The following DENND1B variants were observed in gnomAD, a reference collection of about 807,000 sequenced individuals.
DENND1B encodes the protein DENN domain containing 1B.
In DENND1B, 59 loss-of-function variants were observed where a neutral mutation model predicts 90.1. The ratio of observed to expected loss-of-function variants is 0.65; its 90% CI spans 0.53 to 0.81. The LOEUF (loss-of-function observed/expected upper bound fraction) is 0.81, where lower values mean the gene tolerates loss of function less well. Ranked by LOEUF, DENND1B falls within the 40% of genes least tolerant of loss-of-function variation. DENND1B has a pLI of 0.00. For missense variants in DENND1B, 862 were observed against 912.6 expected, an observed-to-expected ratio of 0.94 and a Z score of 0.71; for synonymous variants, 337 against 324.6, an observed-to-expected ratio of 1.04 and a Z score of -0.41.
At chr1:197,768,824 C>A (rs1380258816) in intron 2 of DENND1B, among the ~76,000 whole-genome samples, 1 of 150,888 alleles carries the variant, frequency 6.6e-6, no homozygotes. Context: ...ATGAAACTAA[C>A]AAGCTATTTT....
At chr1:197,632,976 A>C (rs1222753311) in intron 10 of DENND1B, among the ~76,000 whole-genome samples, 1 of 152,212 alleles carries the variant, frequency 6.6e-6, no homozygotes, top group Non-Finnish European at 1.5e-5. Context: ...AGTAAAAGTT[A>C]ATGAAAAACT....
At chr1:197,628,575 A>G (rs970325469) in intron 10 of DENND1B, among the ~76,000 whole-genome samples, 2 of 152,204 alleles carry the variant, frequency 1.3e-5, no homozygotes, top group Non-Finnish European at 2.9e-5. Context: ...TAAAAACCCT[A>G]GAAGAAAACC....
intron 14 of DENND1B, among the ~76,000 whole-genome samples, chr1:197,590,226 A>C (rs1675073559): frequency 6.6e-6 from 1 of 152,176 alleles, no homozygotes. Context: ...ATGGCAATCC[A>C]AGAAGCATCA....
chr1:197,511,787 C>T lies in DENND1B; in HGVS notation c.1756G>A (p.Ala586Thr), dbSNP rs770958138. 1 of 1,610,862 alleles carries T rather than the reference C, an allele frequency of 6.2e-7. No individual in the cohort carries two copies. The highest frequency in any genetic ancestry group is 8.5e-7 in the Non-Finnish European group (1 of 1,177,998). Residue 586 changes from alanine (A) to threonine (T), a missense_variant, in exon 22 of 23, where the codon GCA becomes ACA. Ala to Thr is a moderately conservative substitution (Grantham distance 58). Transcript: ENST00000620048. ...STHSSDQGKL[A>T]AAKSLDFFRS... is the part of the protein sequence containing the mutation. The stretch of plus-strand genomic sequence containing the variant: ...AAGAAATCCAAGCTCTTTGCAGCTG[C>T]CAGCTTCCCCTGATCTGAGCTGTGT...
intron 10 of DENND1B, among the ~76,000 whole-genome samples, chr1:197,638,644 T>A (rs1331920698): frequency 1.3e-5 from 2 of 152,178 alleles, no homozygotes; most frequent in African/African-American, 4.8e-5. Context: ...AAAACAGCAA[T>A]AAGTCAACTG....
intron 2 of DENND1B, among the ~76,000 whole-genome samples, chr1:197,742,836 G>A (rs1020275391): frequency 9.2e-5 from 14 of 152,166 alleles, no homozygotes; most frequent in African/African-American, 2.9e-4. Flanking sequence ...CCAAACACTA[G>A]GTTGCATATG....
At chr1:197,780,205 C>T (rs1198713582), upstream of DENND1B, among the ~76,000 whole-genome samples, 2 of 152,078 alleles carry the variant, frequency 1.3e-5, no homozygotes, top group African/African-American at 4.8e-5. Context: ...TGAAGAGTAT[C>T]CTGTTGGATT....
At chr1:197,716,410 A>G (rs1660651687) in intron 2 of DENND1B, among the ~76,000 whole-genome samples, 1 of 151,620 alleles carries the variant, frequency 6.6e-6, no homozygotes, top group African/African-American at 2.4e-5. Context: ...GTAATATTAA[A>G]TGATTATATC....
At chr1:197,736,700 T>C (rs927250367) in intron 2 of DENND1B, among the ~76,000 whole-genome samples, 5 of 152,162 alleles carry the variant, frequency 3.3e-5, no homozygotes, top group Admixed American at 3.3e-4. Flanking sequence ...CCTGAGATAA[T>C]CTGTGATAAA....
chr1:197,604,590 A>T (rs1452224601), intron 13 of DENND1B, among the ~76,000 whole-genome samples: 1 of 151,258 alleles, frequency 6.6e-6, no homozygotes, highest in Non-Finnish European at 1.5e-5. Context: ...TAGAAAGTCA[A>T]CCAGCCTGTA....
intron 12 of DENND1B, among the ~76,000 whole-genome samples, chr1:197,608,627 TGACA>T (rs1441944162): frequency 1.3e-5 from 2 of 150,598 alleles, no homozygotes; most frequent in Non-Finnish European, 1.5e-5. Context: ...TGTCATTTTA[TGACA>T]GAAACTATAA....
chr1:197,654,767 G>C (rs552992467), intron 6 of DENND1B, among the ~76,000 whole-genome samples: 224 of 151,686 alleles, frequency 1.5e-3, no homozygotes, highest in Non-Finnish European at 2.6e-3. Flanking sequence ...CTTTACTTGC[G>C]ACCACCACCA....
intron 2 of DENND1B, among the ~76,000 whole-genome samples, chr1:197,726,502 G>A (rs1285479425): frequency 6.6e-6 from 1 of 152,180 alleles, no homozygotes; most frequent in Non-Finnish European, 1.5e-5. Context: ...AGATGAGGGT[G>A]AATATCACTG....
chr1:197,762,128 CA>C (rs1655131644), intron 2 of DENND1B, among the ~76,000 whole-genome samples: 2 of 152,060 alleles, frequency 1.3e-5, no homozygotes, highest in Admixed American at 6.6e-5. Flanking sequence ...GATACCTTCC[CA>C]AAATCTACAA....
Position 197,510,495 on chromosome 1 carries a change from T to C in DENND1B, c.2293A>G (p.Ile765Val), listed in dbSNP as rs1444555694. 1 of 1,608,446 alleles carries C rather than the reference T, an allele frequency of 6.2e-7. No homozygotes were observed. Among genetic ancestry groups the C allele is most frequent in the Admixed American group, 1.7e-5 (1 of 59,346 alleles). ...MTSDFQQSLN[I>V]SDKNTNGNQT ...TTTCCATTTGTGTTTTTGTCTGAAA[T>C]GTTCAAGCTTTGTTGGAAGTCAGAT... The change falls in exon 23 of 23, where the codon ATT (isoleucine) becomes GTT (valine). Residue 765 changes from isoleucine (I) to valine (V), a missense_variant. Transcript: ENST00000620048.
chr1:197,714,936 T>C, intron 3 of DENND1B, 95 bp downstream of exon 3: 1 of 876,644 alleles, frequency 1.1e-6, no homozygotes, highest in Non-Finnish European at 1.9e-6. Context: ...GCAATCCATG[T>C]TCACTAGTAG....
intron 3 of DENND1B, among the ~76,000 whole-genome samples, chr1:197,706,624 T>C (rs1032109919): frequency 3.3e-5 from 5 of 152,068 alleles, no homozygotes; most frequent in Admixed American, 1.3e-4. Context: ...ATGAGCTGAA[T>C]AGACATCTCT....
At chr1:197,768,206 C>T (rs1430040822) in intron 2 of DENND1B, among the ~76,000 whole-genome samples, 2 of 151,540 alleles carry the variant, frequency 1.3e-5, no homozygotes, top group Non-Finnish European at 2.9e-5. Flanking sequence ...TCTCCTCCTC[C>T]TCTTCCTCCT....
intron 15 of DENND1B, among the ~76,000 whole-genome samples, chr1:197,558,761 T>A (rs1671916929): frequency 1.3e-5 from 2 of 151,792 alleles, no homozygotes; most frequent in African/African-American, 4.8e-5. Context: ...GTCACTAAGG[T>A]TTTTAGAAGT....
Sources: allele counts gnomAD v4.1 joint callset (sites outside exome capture counted in the v4.1 genomes callset), GRCh38; gene constraint gnomAD v4.1.1; transcripts MANE v1.5; gene names NCBI Gene and HGNC (gene_info 2026-07-23, HGNC 2026-07-21).